SEM1: variants seen among roughly 807,000 people sequenced by gnomAD.
SEM1 encodes the protein 26S proteasome complex subunit SEM1.
A neutral mutation model predicts 12.7 loss-of-function variants in SEM1; 3 were observed. The observed-to-expected ratio is 0.24, with a 90% CI of 0.11 to 0.61. The LOEUF is 0.61. Among genes scored for constraint, SEM1 ranks in the 20% least tolerant of loss-of-function variants. The pLI, the probability that SEM1 is intolerant of heterozygous loss-of-function variation, is 0.88. For missense variants in SEM1, 59 were observed against 81.3 expected, an observed-to-expected ratio of 0.73 and a Z score of 1.06; for synonymous variants, 30 against 27.8, an observed-to-expected ratio of 1.08 and a Z score of -0.25.
At chr7:96,592,202 C>A (rs4729269) in intron 2 of SEM1, among the ~76,000 whole-genome samples, 134,601 of 151,478 alleles carry the variant, frequency 0.89, 60,777 homozygotes, top group Non-Finnish European at 0.98. Context: ...GGTTGACTGG[C>A]GTCTTAGGTA....
intron 2 of SEM1, among the ~76,000 whole-genome samples, chr7:96,538,343 G>A (rs976004988): frequency 1.3e-5 from 2 of 151,768 alleles, no homozygotes; most frequent in African/African-American, 4.8e-5. Context: ...TTCAGACTAT[G>A]TTTGCCTTTT....
At chr7:96,511,528 A>G (rs934870650) in intron 2 of SEM1, among the ~76,000 whole-genome samples, 1 of 152,134 alleles carries the variant, frequency 6.6e-6, no homozygotes, top group Non-Finnish European at 1.5e-5. Context: ...TAGCAAACAC[A>G]CCTATTGGAC....
downstream of SEM1, among the ~76,000 whole-genome samples, chr7:96,671,050 G>A (rs540601122): frequency 1.3e-5 from 2 of 152,260 alleles, no homozygotes; most frequent in South Asian, 2.1e-4. Context: ...CTGCATGCAC[G>A]ACATTTTGGG....
chr7:96,680,282 T>G (rs1337165364), intron 2 of SEM1, among the ~76,000 whole-genome samples: 1 of 152,038 alleles, frequency 6.6e-6, no homozygotes. Context: ...ATACTCACAT[T>G]TGAATCCTTA....
At chr7:96,604,272 A>G (rs1053294765) in intron 2 of SEM1, among the ~76,000 whole-genome samples, 20 of 152,184 alleles carry the variant, frequency 1.3e-4, no homozygotes, top group Non-Finnish European at 2.8e-4. Context: ...TGATAGGGAC[A>G]TGAGACTTTT....
In SEM1 at chr7:96,678,668, G is replaced by A. The variant is rs182622374; in HGVS notation, c.171-4809C>T. Reference sequence around the variant, plus strand: ...CACACCCTTTCCCACAATTTCCTGGGAACACCATTTGACATCACTCATTTA... The same window carrying A: ...CACACCCTTTCCCACAATTTCCTGGAAACACCATTTGACATCACTCATTTA... On this transcript the variant is annotated intron_variant, in intron 2 of 2. Coordinates refer to the SEM1 transcript ENST00000413065. 2.3e-3 allele frequency among the ~76,000 whole-genome samples: 343 copies of A among 152,100 alleles called. 4 individuals carry two copies. The highest frequency in any genetic ancestry group is 8.0e-3 in the African/African-American group (331 of 41,522).
intron 2 of SEM1, among the ~76,000 whole-genome samples, chr7:96,567,402 A>G (rs1805874575): frequency 6.6e-6 from 1 of 151,642 alleles, no homozygotes; most frequent in African/African-American, 2.4e-5. Flanking sequence ...TGTTTGCATT[A>G]ATGTTATTTT....
intron 2 of SEM1, among the ~76,000 whole-genome samples, chr7:96,600,764 A>G (rs1807174332): frequency 1.3e-5 from 2 of 152,194 alleles, no homozygotes; most frequent in Admixed American, 6.5e-5. Flanking sequence ...TAGGTAGGCA[A>G]GTATTACAGT....
At chr7:96,611,878 G>A (rs1034561538) in intron 2 of SEM1, among the ~76,000 whole-genome samples, 4 of 151,888 alleles carry the variant, frequency 2.6e-5, no homozygotes, top group South Asian at 2.1e-4. Flanking sequence ...TAAGCTGATC[G>A]GATCTACTAT....
In SEM1 at chr7:96,696,074, G is replaced by C. The variant is rs560565017; in HGVS notation, c.77-1183C>G. The C allele has an allele frequency of 2.0e-5, 3 of 151,752 alleles. No homozygotes were observed. In the South Asian group the frequency reaches 6.2e-4, roughly 32 times the overall value. 9.4% of individuals were successfully genotyped at this position (151,752 alleles called of 1,614,324 possible). ...CTTTACTTCTTTTAACTTAGAGAGG[G>C]GAAAAATATTTAAGAATGGTACAAT... On this transcript the variant is annotated intron_variant, in intron 1 of 2. Transcript: ENST00000248566.
intron 2 of SEM1, among the ~76,000 whole-genome samples, chr7:96,543,729 A>G (rs1282309181): frequency 3.3e-5 from 5 of 152,020 alleles, no homozygotes; most frequent in Admixed American, 2.0e-4. Flanking sequence ...TTTCTTAGTA[A>G]CCTTGTTGCA....
chr7:96,683,738 G>A (rs144439335), intron 2 of SEM1, among the ~76,000 whole-genome samples: 2,315 of 152,298 alleles, frequency 0.015, 31 homozygotes, highest in Non-Finnish European at 0.023. Flanking sequence ...CAGGGACATG[G>A]AGGAAGCTGG....
At chr7:96,546,553 T>C (rs1205719211) in intron 2 of SEM1, among the ~76,000 whole-genome samples, 2 of 152,160 alleles carry the variant, frequency 1.3e-5, no homozygotes, top group South Asian at 2.1e-4. Flanking sequence ...TCTGGATTTA[T>C]GTTTAGGTTT....
At chr7:96,514,367 C>G (rs533779675) in intron 2 of SEM1, among the ~76,000 whole-genome samples, 1 of 152,152 alleles carries the variant, frequency 6.6e-6, no homozygotes, top group East Asian at 1.9e-4. Flanking sequence ...CACATGCTAC[C>G]ATACCCAGCT....
chr7:96,531,416 A>T (rs1052255080), intron 2 of SEM1, among the ~76,000 whole-genome samples: 16 of 145,108 alleles, frequency 1.1e-4, no homozygotes, highest in African/African-American at 4.1e-4. Context: ...AAAAAATATA[A>T]AAAAAAAAAC....
At chr7:96,706,584 A>C (rs1563122408) in intron 1 of SEM1, among the ~76,000 whole-genome samples, 1 of 150,696 alleles carries the variant, frequency 6.6e-6, no homozygotes, top group East Asian at 1.9e-4. Context: ...AAAAAAAAAA[A>C]AAAAAAAAAA....
At chr7:96,498,558 TG>T (rs1322607060), upstream of SEM1, among the ~76,000 whole-genome samples, 11 of 152,302 alleles carry the variant, frequency 7.2e-5, no homozygotes, top group Admixed American at 6.5e-4. Flanking sequence ...TGCAACTTAA[TG>T]GTAGAACAAT....
At chr7:96,696,062 A>G (rs1462027102) in intron 1 of SEM1, 1 of 151,892 alleles carries the variant, frequency 6.6e-6, no homozygotes, top group Non-Finnish European at 1.5e-5. Context: ...TACTTCTTTT[A>G]ACTTAGAGAG....
At chr7:96,555,404 G>T (rs1264199964) in intron 2 of SEM1, among the ~76,000 whole-genome samples, 1 of 149,034 alleles carries the variant, frequency 6.7e-6, no homozygotes, top group African/African-American at 2.5e-5. Flanking sequence ...TGTTCTCGTT[G>T]GTTTCAAAGA....
Sources: gnomAD v4.1 joint callset for allele counts (sites outside exome capture counted in the v4.1 genomes callset) on GRCh38, gnomAD v4.1.1 for gene constraint, MANE v1.5 for transcripts, NCBI Gene and HGNC (gene_info 2026-07-23, HGNC 2026-07-21) for gene names.